FGFR1: variants seen among roughly 807,000 people sequenced by gnomAD.
The protein encoded by FGFR1 is fibroblast growth factor receptor 1.
Under a neutral mutation model 93.7 loss-of-function variants are expected in FGFR1, and 18 were observed. That is an observed-to-expected ratio of 0.19 (90% CI 0.13 to 0.28). The LOEUF is 0.28. Ranked by LOEUF, FGFR1 falls within the 10% of genes least tolerant of loss-of-function variation. The pLI, the probability that FGFR1 is intolerant of heterozygous loss-of-function variation, is 1.00. For synonymous variants in FGFR1, 448 were observed against 429.3 expected (o/e 1.04, Z -0.54); for missense variants, 731 against 1,080.4 (o/e 0.68, Z 4.53).
intron 4 of FGFR1, 98 bp downstream of exon 4, chr8:38,428,248 C>T: frequency 2.0e-6 from 3 of 1,475,748 alleles, no homozygotes; most frequent in Non-Finnish European, 2.8e-6. Context: ...CACCGTGACC[C>T]CATGTGCCCT....
chr8:38,445,592 G>A (rs1369129292), intron 2 of FGFR1, among the ~76,000 whole-genome samples: 3 of 152,138 alleles, frequency 2.0e-5, no homozygotes, highest in African/African-American at 7.2e-5. Context: ...AGGCTGGAGT[G>A]CAATGGTGCA....
chr8:38,438,259 G>A (rs1019988378), intron 2 of FGFR1, among the ~76,000 whole-genome samples: 1 of 152,072 alleles, frequency 6.6e-6, no homozygotes, highest in East Asian at 1.9e-4. Flanking sequence ...TATTATCTTC[G>A]GGCCCAGTGC....
Position 38,429,794 on chromosome 8 carries a change from T to C in FGFR1, c.246A>G (p.Thr82=), listed in dbSNP as rs1326150271. The stretch of plus-strand genomic sequence containing the variant: ...AGTCCTGCACCTCCACCTCCTCCCC[T>C]GTGATGCGGGTGCGGTTGCTTTCCG... ...QLAESNRTRI[T]GEEVEVQDSV... The change falls in exon 3 of 18, where the codon ACA becomes ACG. Residue 82 remains threonine, a synonymous_variant. Transcript: ENST00000447712. The surrounding 1 kb of genome is among the most constrained non-coding windows in gnomAD (Gnocchi z 4.4). The C allele has an allele frequency of 1.2e-6, 2 of 1,612,892 alleles. No individual in the cohort carries two copies. The highest frequency in any genetic ancestry group is 2.2e-5 in the East Asian group (1 of 44,830).
chr8:38,458,394 A>G (rs1586757425), intron 1 of FGFR1, among the ~76,000 whole-genome samples: 1 of 152,134 alleles, frequency 6.6e-6, no homozygotes, highest in Non-Finnish European at 1.5e-5. Context: ...TACAAAAATT[A>G]GCTGGGCATA....
At chr8:38,453,853 C>T (rs1016847629) in intron 2 of FGFR1, among the ~76,000 whole-genome samples, 5 of 152,172 alleles carry the variant, frequency 3.3e-5, no homozygotes, top group African/African-American at 1.2e-4. Context: ...GATCATGCCA[C>T]TGCATTCCAG....
intron 14 of FGFR1, 25 bp from the exon 15 acceptor site, chr8:38,414,654 G>C (rs765870661): frequency 6.2e-7 from 1 of 1,613,732 alleles, no homozygotes; most frequent in African/African-American, 1.3e-5. Flanking sequence ...GGGGAGGTTG[G>C]AGTGGCCCCA....
chr8:38,425,865 G>A, intron 6 of FGFR1: 1 of 540,348 alleles, frequency 1.9e-6, no homozygotes, highest in South Asian at 1.9e-5. Context: ...GCCTCCTTCA[G>A]GACAGACTCT....
chr8:38,414,349 CAA>C (rs1238096741), intron 15 of FGFR1, 60 bp from the exon 16 acceptor site: 2 of 1,612,102 alleles, frequency 1.2e-6, no homozygotes, highest in Admixed American at 1.7e-5. Context: ...TCCCCCAGCA[CAA>C]ATCCTCTACC....
At chr8:38,414,051 G>C (rs777610633) in intron 16 of FGFR1, 28 bp from the exon 17 acceptor site, 1 of 1,613,610 alleles carries the variant, frequency 6.2e-7, no homozygotes, top group Non-Finnish European at 8.5e-7. Context: ...GGTCAGGGAC[G>C]TCTCCTGGAG....
intron 1 of FGFR1, chr8:38,466,763 C>A (rs17182134): frequency 0.095 from 18,798 of 196,906 alleles, 1,176 homozygotes; most frequent in Admixed American, 0.2. Context: ...TGGGGTGAAA[C>A]GGAACCAGAT....
Position 38,413,515 on chromosome 8 carries a change from C to T in FGFR1, c.*113G>A, listed in dbSNP as rs180885042. On this transcript the variant is annotated 3_prime_UTR_variant, in exon 18 of 18. Coordinates refer to ENST00000447712, the MANE Select transcript of FGFR1 (RefSeq NM_023110.3). This position sits in a 1 kb window ranked among gnomAD's most constrained non-coding sequence, Gnocchi z 4.2. The stretch of plus-strand genomic sequence containing the variant: ...CACAGGAAGGCCCCTGGTAGGCAGC[C>T]GGCTCCTGCCAGCAGGAAAGGGGAC... 2.1e-4 allele frequency: 261 copies of T among 1,258,528 alleles called. 1 individual carries two copies. Among genetic ancestry groups the T allele is most frequent in the African/African-American group, 3.6e-4 (24 of 66,920 alleles). 78.0% of individuals were successfully genotyped at this position (1,258,528 alleles called of 1,614,324 possible).
intron 14 of FGFR1, 69 bp from the exon 15 acceptor site, chr8:38,414,698 TG>T (rs1407896538): frequency 1.9e-6 from 3 of 1,613,316 alleles, no homozygotes; most frequent in Non-Finnish European, 1.7e-6. Flanking sequence ...GGGAAGGGAC[TG>T]GGGGGTGGGT....
At chr8:38,437,956 T>C (rs574705959) in intron 2 of FGFR1, among the ~76,000 whole-genome samples, 26 of 152,296 alleles carry the variant, frequency 1.7e-4, no homozygotes, top group African/African-American at 6.0e-4. Context: ...TAACAACACA[T>C]TTGCATAGCA....
intron 9 of FGFR1, among the ~76,000 whole-genome samples, chr8:38,419,258 T>C (rs993674830): frequency 2.0e-5 from 3 of 152,034 alleles, no homozygotes; most frequent in African/African-American, 7.2e-5. Context: ...ATTCATGCTA[T>C]TGGCTGCACA....
At chr8:38,447,148 CACA>C (rs1563587509) in intron 2 of FGFR1, among the ~76,000 whole-genome samples, 136 of 137,520 alleles carry the variant, frequency 9.9e-4, no homozygotes, top group East Asian at 7.9e-3. Flanking sequence ...CACACACACA[CACA>C]CCCCTGACAA....
At chr8:38,446,871 A>G (rs569271693) in intron 2 of FGFR1, among the ~76,000 whole-genome samples, 2 of 152,268 alleles carry the variant, frequency 1.3e-5, no homozygotes, top group Admixed American at 6.5e-5. Context: ...CATACCACAC[A>G]TTCTAGGCTA....
intron 8 of FGFR1, 89 bp from the exon 9 acceptor site, chr8:38,419,824 T>C: frequency 8.7e-7 from 1 of 1,152,474 alleles, no homozygotes; most frequent in Non-Finnish European, 1.3e-6. Context: ...ACCTGTCTCC[T>C]GTCCCCTGGG....
intron 9 of FGFR1, 161 bp from the exon 10 acceptor site, chr8:38,418,534 G>C (rs1222862551): frequency 2.1e-5 from 18 of 844,582 alleles, no homozygotes; most frequent in Non-Finnish European, 2.8e-5. Flanking sequence ...TAGGCCAGGA[G>C]GCCCAACTTC....
chr8:38,426,883 C>A lies in FGFR1; in HGVS notation c.622-638G>T, dbSNP rs926989079. On this transcript the variant is annotated intron_variant, in intron 5 of 17. Transcript: ENST00000447712. This position sits in a 1 kb window ranked among gnomAD's most constrained non-coding sequence, Gnocchi z 4.1. The stretch of plus-strand genomic sequence containing the variant: ...ATCCCAGCTCTTTGGGAGGCCCAGG[C>A]GGACAGATCACTTGAGGTCATGAGT... 6.6e-6 allele frequency among the ~76,000 whole-genome samples: 1 copy of A among 152,186 alleles called. No homozygotes were observed. The highest frequency in any genetic ancestry group is 2.1e-4 in the South Asian group (1 of 4,832).
Sources: gnomAD v4.1 joint callset for allele counts (sites outside exome capture counted in the v4.1 genomes callset) on GRCh38, gnomAD v4.1.1 for gene constraint, Gnocchi (gnomAD v3.1) non-coding constraint, MANE v1.5 for transcripts, NCBI Gene and HGNC (gene_info 2026-07-23, HGNC 2026-07-21) for gene names.